Variants in BEND6 observed in about 807,000 individuals in gnomAD.
BEND6 encodes the protein BEN domain-containing protein 6.
In BEND6, 24 loss-of-function variants were observed where a neutral mutation model predicts 31.8. The observed-to-expected ratio is 0.75, with a 90% CI of 0.55 to 1.06. BEND6 has a LOEUF of 1.06. Ranked by LOEUF, BEND6 falls within the 50% of genes least tolerant of loss-of-function variation. The pLI is 0.00. For synonymous variants in BEND6, 109 were observed against 114.6 expected, an observed-to-expected ratio of 0.95 and a Z score of 0.31; for missense variants, 294 against 327.4, an observed-to-expected ratio of 0.90 and a Z score of 0.79.
intron 3 of BEND6, among the ~76,000 whole-genome samples, chr6:57,003,512 GCAACAACAACAA>G (rs371966915): frequency 2.3e-4 from 34 of 146,636 alleles, no homozygotes; most frequent in Middle Eastern, 3.5e-3. Context: ...AAAACAAACA[GCAACAACAACAA>G]CAACAACAAC....
chr6:56,985,891 A>G (rs952073749), intron 2 of BEND6, among the ~76,000 whole-genome samples: 3 of 152,138 alleles, frequency 2.0e-5, no homozygotes, highest in Non-Finnish European at 4.4e-5. Flanking sequence ...AGATATTACA[A>G]ATATATTCTC....
chr6:56,990,692 G>T (rs1408718136), intron 2 of BEND6, among the ~76,000 whole-genome samples: 1 of 152,066 alleles, frequency 6.6e-6, no homozygotes, highest in African/African-American at 2.4e-5. Flanking sequence ...GATATTCTTG[G>T]CCTTCTGTTC....
intron 6 of BEND6, among the ~76,000 whole-genome samples, chr6:57,021,474 G>A (rs796770338): frequency 3.3e-5 from 5 of 152,200 alleles, no homozygotes; most frequent in African/African-American, 1.2e-4. Context: ...GATTTAAAAG[G>A]GTAACAATTT....
intron 4 of BEND6, among the ~76,000 whole-genome samples, chr6:57,016,056 A>G (rs571360480): frequency 5.9e-4 from 90 of 152,288 alleles, no homozygotes; most frequent in Middle Eastern, 3.4e-3. Flanking sequence ...AAATTCTCAT[A>G]CCAGTGACAG....
chr6:57,008,452 G>A (rs902981764), intron 3 of BEND6: 1 of 548,332 alleles, frequency 1.8e-6, no homozygotes, highest in African/African-American at 1.9e-5. Context: ...TGTAACTGGA[G>A]TGCTATGCAG....
In BEND6 at chr6:57,015,190, T is replaced by C. The variant is rs759983043; in HGVS notation, c.356T>C (p.Leu119Pro). Residue 119 changes from leucine to proline, a missense_variant, in exon 4 of 7, where the codon CTT (leucine) becomes CCT (proline). Physicochemically the swap from Leu to Pro is moderately conservative, Grantham distance 98. Transcript: ENST00000370746. ...TTGGTTGGTATGGCCGAGGCTCTGCTTAAGGGTGGGGGAACCATGTCTACA... is the reference window on the plus strand; with the variant it reads ...TTGGTTGGTATGGCCGAGGCTCTGCCTAAGGGTGGGGGAACCATGTCTACA... The part of the protein sequence containing the change: ...EELVGMAEAL[L>P]KGGGTMSTSA... 1 of 1,614,150 alleles carries C rather than the reference T, an allele frequency of 6.2e-7. No homozygotes were observed. Among genetic ancestry groups the C allele is most frequent in the South Asian group, 1.1e-5 (1 of 91,074 alleles).
rs1324263075 is a variant in BEND6, at chr6:57,026,728, C to T, written c.*656C>T. 1 of 152,140 alleles carries T rather than the reference C, an allele frequency of 6.6e-6. No individual in the cohort carries two copies. The highest frequency in any genetic ancestry group is 1.9e-4 in the East Asian group (1 of 5,198). The allele number at this position is 152,140 out of a possible 1,614,324, so 9.4% of individuals were successfully genotyped here. On this transcript the variant is annotated 3_prime_UTR_variant, in exon 7 of 7. Transcript: ENST00000370746. The stretch of plus-strand genomic sequence containing the variant: ...CAAGATGTTTTATTTTAATGTTAAG[C>T]AATTCCACCACACTTCTGAAGAATA...
chr6:56,984,505 T>G (rs1826186757), intron 2 of BEND6, among the ~76,000 whole-genome samples: 4 of 152,242 alleles, frequency 2.6e-5, no homozygotes, highest in Admixed American at 1.3e-4. Context: ...TCTCATTGTT[T>G]TAATCTGCTG....
chr6:56,961,494 G>C (rs754098018), intron 1 of BEND6, among the ~76,000 whole-genome samples: 1 of 152,090 alleles, frequency 6.6e-6, no homozygotes, highest in Non-Finnish European at 1.5e-5. Flanking sequence ...TAACAATCTA[G>C]GACCACTTCC....
chr6:57,004,288 A>G (rs1405265799), intron 3 of BEND6, among the ~76,000 whole-genome samples: 10 of 152,364 alleles, frequency 6.6e-5, no homozygotes. Context: ...AGATTCTGCC[A>G]AACATCTCCT....
intron 2 of BEND6, among the ~76,000 whole-genome samples, chr6:56,985,790 T>G (rs1311625780): frequency 1.3e-5 from 2 of 152,254 alleles, no homozygotes; most frequent in Admixed American, 6.5e-5. Context: ...GTTCGTTTTC[T>G]TGGTTATTCT....
At chr6:57,015,613 C>T (rs1827527144) in intron 4 of BEND6, among the ~76,000 whole-genome samples, 1 of 148,450 alleles carries the variant, frequency 6.7e-6, no homozygotes, top group Non-Finnish European at 1.5e-5. Flanking sequence ...CTGGCTAACA[C>T]AGTGAAATCC....
In BEND6 at chr6:56,976,638, C is replaced by A. The variant is rs146539820; in HGVS notation, c.-100-5073C>A. 9.9e-3 allele frequency among the ~76,000 whole-genome samples: 1,506 copies of A among 152,254 alleles called. 23 individuals carry two copies. Among genetic ancestry groups the A allele is most frequent in the African/African-American group, 0.034 (1,426 of 41,526 alleles). ...GGAGTGCAGTGGCTCAATCTTGGCTCATTGCAACCTCTGCCTCCTGGGTTC... is the reference window on the plus strand; with the variant it reads ...GGAGTGCAGTGGCTCAATCTTGGCTAATTGCAACCTCTGCCTCCTGGGTTC... On this transcript the variant is annotated intron_variant, in intron 1 of 6. Coordinates refer to ENST00000370746, the MANE Select transcript of BEND6 (RefSeq NM_152731.3).
chr6:57,004,023 C>T (rs1426713068), intron 3 of BEND6, among the ~76,000 whole-genome samples: 1 of 152,118 alleles, frequency 6.6e-6, no homozygotes, highest in East Asian at 1.9e-4. Flanking sequence ...ATCAAAGGAA[C>T]ACACCTAAAA....
chr6:56,981,965 T>C (rs1436401984), intron 2 of BEND6, 35 bp downstream of exon 2: 3 of 1,571,096 alleles, frequency 1.9e-6, no homozygotes. Flanking sequence ...AACTTTGTTA[T>C]CTAGCTCAAT....
intron 3 of BEND6, chr6:57,010,861 G>A (rs1193532742): frequency 3.4e-5 from 24 of 706,992 alleles, no homozygotes; most frequent in Non-Finnish European, 4.0e-5. Context: ...TAAATTATGT[G>A]TGTTTAAAAT....
At chr6:57,021,827 G>A (rs374016907) in intron 6 of BEND6, among the ~76,000 whole-genome samples, 3 of 152,152 alleles carry the variant, frequency 2.0e-5, no homozygotes, top group African/African-American at 7.2e-5. Context: ...ATACAGTGGT[G>A]CTAAAATGGT....
intron 3 of BEND6, chr6:57,009,120 G>C (rs1827262229): frequency 6.6e-6 from 1 of 152,176 alleles, no homozygotes; most frequent in African/African-American, 2.4e-5. Context: ...GAGGATACAA[G>C]AGGCTGGAAA....
intron 1 of BEND6, among the ~76,000 whole-genome samples, chr6:56,972,741 G>A (rs1825733461): frequency 6.6e-6 from 1 of 152,146 alleles, no homozygotes. Context: ...AGTAAGCTCA[G>A]GCCGCCATAA....
Sources: allele counts gnomAD v4.1 joint callset (sites outside exome capture counted in the v4.1 genomes callset), GRCh38; gene constraint gnomAD v4.1.1; transcripts MANE v1.5; gene names NCBI Gene and HGNC (gene_info 2026-07-23, HGNC 2026-07-21).